Variants in MAML2 observed in about 807,000 individuals in gnomAD.
MAML2 encodes the protein mastermind-like protein 2.
In MAML2, 22 loss-of-function variants were observed where a neutral mutation model predicts 96.1. The observed-to-expected ratio is 0.23, with a 90% confidence interval of 0.16 to 0.33. The LOEUF (loss-of-function observed/expected upper bound fraction) is 0.33, where lower values mean the gene tolerates loss of function less well. Among genes scored for constraint, MAML2 ranks in the 10% least tolerant of loss-of-function variants. The pLI is 1.00. For missense variants in MAML2, 1,367 were observed against 1,392.4 expected (o/e 0.98, Z 0.29); for synonymous variants, 561 against 521.3 (o/e 1.08, Z -1.04).
At chr11:96,196,218 T>A (rs566450581) in intron 1 of MAML2, among the ~76,000 whole-genome samples, 2 of 152,194 alleles carry the variant, frequency 1.3e-5, no homozygotes, top group South Asian at 4.2e-4. Flanking sequence ...GAGGATACAA[T>A]GAGATCATTG....
intron 1 of MAML2, among the ~76,000 whole-genome samples, chr11:96,279,166 G>A (rs775525122): frequency 1.3e-5 from 2 of 152,202 alleles, no homozygotes; most frequent in Non-Finnish European, 2.9e-5. Context: ...GAAACTGAAT[G>A]ATGTGTCATT....
intron 1 of MAML2, among the ~76,000 whole-genome samples, chr11:96,251,856 C>T (rs987007296): frequency 4.6e-5 from 7 of 151,910 alleles, no homozygotes; most frequent in African/African-American, 1.2e-4. Flanking sequence ...CTCAGCCTCC[C>T]GAGTAGCTGG....
chr11:96,339,537 G>A (rs1437570303), intron 1 of MAML2, among the ~76,000 whole-genome samples: 2 of 152,174 alleles, frequency 1.3e-5, no homozygotes, highest in Non-Finnish European at 2.9e-5. Context: ...GGCTCTTCAC[G>A]GCCCCGCTCC....
At chr11:96,116,988 A>T (rs563645142) in intron 1 of MAML2, among the ~76,000 whole-genome samples, 1 of 152,372 alleles carries the variant, frequency 6.6e-6, no homozygotes, top group South Asian at 2.1e-4. Context: ...AATTGAATTG[A>T]CAGCCATTAA....
rs183160404 is a variant in MAML2, at chr11:96,039,879, A to G, written c.2140-48156T>C. The stretch of plus-strand genomic sequence containing the variant: ...AGGCTGAGGCAGGAGAATGGCGTGA[A>G]CCCGGGAGGCGAAGCTTGCAGTGAG... On this transcript the variant is annotated intron_variant, in intron 2 of 4. Coordinates refer to ENST00000524717, the MANE Select transcript of MAML2 (RefSeq NM_032427.4). Among the ~76,000 whole-genome samples, 1,274 of 150,748 alleles carry G rather than the reference A, an allele frequency of 8.5e-3. 28 individuals carry two copies. Among genetic ancestry groups the G allele is most frequent in the Admixed American group, 0.053 (793 of 15,078 alleles).
chr11:96,061,118 T>G (rs1399446629), intron 2 of MAML2, among the ~76,000 whole-genome samples: 1 of 152,222 alleles, frequency 6.6e-6, no homozygotes, highest in African/African-American at 2.4e-5. Context: ...TCGGGAACAA[T>G]AATTGTTTGT....
At chr11:96,029,986 C>T (rs1246770556) in intron 2 of MAML2, among the ~76,000 whole-genome samples, 1 of 152,212 alleles carries the variant, frequency 6.6e-6, no homozygotes, top group Non-Finnish European at 1.5e-5. Flanking sequence ...ATAATCCCAG[C>T]ACTTTGGGAG....
At chr11:96,201,458 A>G (rs1281204987) in intron 1 of MAML2, among the ~76,000 whole-genome samples, 3 of 152,226 alleles carry the variant, frequency 2.0e-5, no homozygotes, top group Non-Finnish European at 2.9e-5. Flanking sequence ...TTTGTTCAAT[A>G]TGTTTCAAAT....
chr11:96,093,391 C>T lies in MAML2; in HGVS notation c.640G>A (p.Ala214Thr), dbSNP rs1046376699. 4 of 1,614,018 alleles carry T rather than the reference C, an allele frequency of 2.5e-6. No homozygotes were observed. The highest frequency in any genetic ancestry group is 2.5e-6 in the Non-Finnish European group (3 of 1,179,900). The change falls in exon 2 of 5, where the codon GCA becomes ACA. Residue 214 changes from alanine to threonine, a missense_variant. By Grantham distance (58) the Ala-to-Thr change is moderately conservative. Coordinates refer to ENST00000524717, the MANE Select transcript of MAML2 (RefSeq NM_032427.4). ...KRIRVGENLS[A>T]GQGGLQINNG... ...TTTATTTGGAGGCCACCTTGTCCTGCAGAGAGATTCTCCCCAACACGAATT... is the reference window on the plus strand; with the variant it reads ...TTTATTTGGAGGCCACCTTGTCCTGTAGAGAGATTCTCCCCAACACGAATT...
chr11:96,216,274 G>C (rs1862049088), intron 1 of MAML2, among the ~76,000 whole-genome samples: 1 of 152,140 alleles, frequency 6.6e-6, no homozygotes, highest in Non-Finnish European at 1.5e-5. Context: ...TTCATACTTG[G>C]CCTTTTCTTT....
At chr11:96,267,674 A>G (rs1862849339) in intron 1 of MAML2, among the ~76,000 whole-genome samples, 1 of 152,148 alleles carries the variant, frequency 6.6e-6, no homozygotes, top group African/African-American at 2.4e-5. Flanking sequence ...AAGAGAAGGA[A>G]AGTGCTACCT....
rs561374547 is a variant in MAML2 at position 96,246,531 on chromosome 11, ACT to A, written c.513+94850_513+94851del. On this transcript the variant is annotated intron_variant, in intron 1 of 4. Transcript: ENST00000524717. ...ATCTACCTCCTCAACATATCCAAAA[ACT>A]CTGTTTGTAAACTGATAATTCTGAA... 2.6e-3 allele frequency among the ~76,000 whole-genome samples: 396 copies of A among 152,066 alleles called. 16 individuals carry two copies. The highest frequency in any genetic ancestry group is 0.025 in the Admixed American group (378 of 15,252).
At chr11:95,981,073 A>G (rs990342167) in intron 4 of MAML2, among the ~76,000 whole-genome samples, 3 of 152,190 alleles carry the variant, frequency 2.0e-5, no homozygotes, top group African/African-American at 7.2e-5. Context: ...GTGACCTGGA[A>G]TTCAATCTGT....
At chr11:96,057,929 C>T (rs548184771) in intron 2 of MAML2, among the ~76,000 whole-genome samples, 1 of 152,316 alleles carries the variant, frequency 6.6e-6, no homozygotes, top group African/African-American at 2.4e-5. Flanking sequence ...CTTTTAATAT[C>T]GAGCAGTTAT....
At chr11:96,003,162 TG>T (rs1407064323) in intron 2 of MAML2, among the ~76,000 whole-genome samples, 1 of 150,394 alleles carries the variant, frequency 6.6e-6, no homozygotes, top group Non-Finnish European at 1.5e-5. Flanking sequence ...AGGAGGATGA[TG>T]GGGATGATGA....
chr11:96,121,780 ATTTT>A (rs543373689), intron 1 of MAML2, among the ~76,000 whole-genome samples: 10 of 35,244 alleles, frequency 2.8e-4, no homozygotes, highest in East Asian at 2.2e-3. Context: ...CAACTGCGTG[ATTTT>A]TTTTTTTTTT....
chr11:96,268,778 TTG>T (rs1296648661), intron 1 of MAML2, among the ~76,000 whole-genome samples: 1 of 146,300 alleles, frequency 6.8e-6, no homozygotes, highest in Non-Finnish European at 1.5e-5. Flanking sequence ...ACACGATCTG[TTG>T]TCTGCCGCCA....
chr11:96,004,852 G>T (rs1179867152), intron 2 of MAML2, among the ~76,000 whole-genome samples: 2 of 152,120 alleles, frequency 1.3e-5, no homozygotes, highest in African/African-American at 4.8e-5. Flanking sequence ...TTTAATAATG[G>T]CGTCTCCTCC....
At chr11:96,222,037 T>C (rs1862148035) in intron 1 of MAML2, among the ~76,000 whole-genome samples, 3 of 152,192 alleles carry the variant, frequency 2.0e-5, no homozygotes, top group Admixed American at 6.5e-5. Flanking sequence ...GGTTTCCTTC[T>C]AGTGGAATCT....
Sources: allele counts gnomAD v4.1 joint callset (sites outside exome capture counted in the v4.1 genomes callset), GRCh38; gene constraint gnomAD v4.1.1; transcripts MANE v1.5; gene names NCBI Gene and HGNC (gene_info 2026-07-23, HGNC 2026-07-21).